The following SGCZ variants were observed in gnomAD, a reference collection of about 807,000 sequenced individuals.
The protein encoded by SGCZ is sarcoglycan zeta, also known as zeta-sarcoglycan.
SGCZ carries 40 observed loss-of-function variants against 41.3 expected under a neutral mutation model. The observed-to-expected ratio is 0.97, with a 90% CI of 0.75 to 1.26. SGCZ has a LOEUF of 1.26. Among genes scored for constraint, SGCZ ranks in the 50% most tolerant of loss-of-function variants. SGCZ has a pLI of 0.00. For missense variants in SGCZ, 552 were observed against 369.8 expected (o/e 1.49, Z -4.04); for synonymous variants, 206 against 137.5 (o/e 1.50, Z -3.49).
chr8:14,244,192 C>CTTCCTTCTTCCTCCTCCTT (rs1798996911), intron 3 of SGCZ, among the ~76,000 whole-genome samples: 2 of 149,832 alleles, frequency 1.3e-5, no homozygotes, highest in East Asian at 4.0e-4. Context: ...TCTTCCTCCT[C>CTTCCTTCTTCCTCCTCCTT]CTCTTCCTTC....
intron 1 of SGCZ, among the ~76,000 whole-genome samples, chr8:14,979,288 C>G (rs1156705718): frequency 6.6e-6 from 1 of 152,168 alleles, no homozygotes. Context: ...CTGTAATACT[C>G]ACAAATTTCA....
At chr8:15,215,974 C>T (rs1801386093) in intron 1 of SGCZ, among the ~76,000 whole-genome samples, 1 of 152,052 alleles carries the variant, frequency 6.6e-6, no homozygotes, top group African/African-American at 2.4e-5. Context: ...TTGTTGGTTG[C>T]CTGACACTTT....
intron 1 of SGCZ, among the ~76,000 whole-genome samples, chr8:14,608,669 G>A (rs1446744534): frequency 1.3e-5 from 2 of 150,754 alleles, no homozygotes; most frequent in African/African-American, 2.4e-5. Flanking sequence ...GGTGGAAGCT[G>A]TTTGGGTCAT....
chr8:14,551,933 T>A (rs1363526673), intron 2 of SGCZ, among the ~76,000 whole-genome samples: 2 of 151,658 alleles, frequency 1.3e-5, no homozygotes, highest in Non-Finnish European at 2.9e-5. Flanking sequence ...CTTGCTATGC[T>A]AAAAATACAA....
chr8:14,657,995 A>C (rs1034739313), intron 1 of SGCZ, among the ~76,000 whole-genome samples: 1 of 152,148 alleles, frequency 6.6e-6, no homozygotes, highest in African/African-American at 2.4e-5. Context: ...AGAATGTATA[A>C]TCTAATTTAA....
At chr8:14,096,670 A>G (rs921862104) in intron 7 of SGCZ, among the ~76,000 whole-genome samples, 3 of 152,104 alleles carry the variant, frequency 2.0e-5, no homozygotes, top group Admixed American at 2.0e-4. Context: ...AATAGTTTCA[A>G]GAGGGATGGT....
intron 1 of SGCZ, among the ~76,000 whole-genome samples, chr8:14,825,931 CT>C (rs1382611423): frequency 6.6e-6 from 1 of 152,014 alleles, no homozygotes; most frequent in Non-Finnish European, 1.5e-5. Flanking sequence ...ACATATCTTT[CT>C]TTTTTTAATT....
At chr8:15,074,287 C>T (rs1039175346) in intron 1 of SGCZ, among the ~76,000 whole-genome samples, 1 of 152,000 alleles carries the variant, frequency 6.6e-6, no homozygotes, top group Non-Finnish European at 1.5e-5. Context: ...ACTGGCTCTC[C>T]GAAAAAAAGT....
At chr8:14,719,926 G>C (rs1809824444) in intron 1 of SGCZ, among the ~76,000 whole-genome samples, 1 of 151,992 alleles carries the variant, frequency 6.6e-6, no homozygotes, top group Non-Finnish European at 1.5e-5. Context: ...TGAAGTCCTT[G>C]TCCATGCCTA....
chr8:14,869,608 G>A (rs187307852), intron 1 of SGCZ, among the ~76,000 whole-genome samples: 112 of 152,288 alleles, frequency 7.4e-4, no homozygotes, highest in African/African-American at 1.9e-3. Flanking sequence ...GCAAGAGAAA[G>A]AAATGAAGTG....
At chr8:14,857,889 G>C (rs1272639373) in intron 1 of SGCZ, among the ~76,000 whole-genome samples, 1 of 151,902 alleles carries the variant, frequency 6.6e-6, no homozygotes, top group Non-Finnish European at 1.5e-5. Context: ...GGAAAGAAAA[G>C]AAAACAAATG....
intron 1 of SGCZ, among the ~76,000 whole-genome samples, chr8:15,199,578 A>G (rs564118350): frequency 2.4e-4 from 37 of 152,298 alleles, no homozygotes; most frequent in Admixed American, 5.2e-4. Context: ...GCGTCCATTT[A>G]CGGTTAGAAA....
At chr8:14,870,332 A>G (rs1243622242) in intron 1 of SGCZ, among the ~76,000 whole-genome samples, 1 of 150,964 alleles carries the variant, frequency 6.6e-6, no homozygotes, top group Non-Finnish European at 1.5e-5. Context: ...CCCTACTACA[A>G]CAATCTGAAT....
At chr8:14,443,020 CCAAA>C (rs1039724914) in intron 2 of SGCZ, among the ~76,000 whole-genome samples, 28 of 151,840 alleles carry the variant, frequency 1.8e-4, no homozygotes, top group Non-Finnish European at 1.5e-4. Context: ...CCAATAACAG[CCAAA>C]CAGAGAGCCA....
Position 15,116,562 on chromosome 8 carries a change from A to G in SGCZ, c.39+121023T>C, listed in dbSNP as rs149427709. Among the ~76,000 whole-genome samples the G allele has an allele frequency of 5.4e-3, 830 of 152,296 alleles. 4 individuals carry two copies. Among genetic ancestry groups the G allele is most frequent in the Middle Eastern group, 0.017 (5 of 294 alleles). ...GTCTTACTTTATTAAACCTCATCCA[A>G]TTATTGCTTCTCAGTGATACTGGCA... On this transcript the variant is annotated intron_variant, in intron 1 of 7. Transcript: ENST00000382080.
rs1355722255 is a variant in SGCZ at position 14,088,532 on chromosome 8, T to C, written c.*1911A>G. Among the ~76,000 whole-genome samples, 1 of 151,898 alleles carries C rather than the reference T, an allele frequency of 6.6e-6. No individual in the cohort carries two copies. On this transcript the variant is annotated 3_prime_UTR_variant, in exon 8 of 8. Coordinates refer to ENST00000382080, the MANE Select transcript of SGCZ (RefSeq NM_139167.4). Reference sequence around the variant, plus strand: ...TTATTTTGCAAAGACCAATGTGAGATTTCTTATATTAAATTCTCTTATTTT... The same window carrying C: ...TTATTTTGCAAAGACCAATGTGAGACTTCTTATATTAAATTCTCTTATTTT...
intron 1 of SGCZ, among the ~76,000 whole-genome samples, chr8:14,567,411 T>A (rs369748493): frequency 2.0e-5 from 3 of 152,136 alleles, no homozygotes; most frequent in African/African-American, 7.2e-5. Context: ...GTGGACACTC[T>A]TTATCTAGCT....
intron 2 of SGCZ, among the ~76,000 whole-genome samples, chr8:14,356,289 C>T (rs867949326): frequency 1.3e-5 from 2 of 152,142 alleles, no homozygotes; most frequent in East Asian, 1.9e-4. Context: ...AAAACCCCGT[C>T]GTAAGTTAAG....
chr8:15,033,209 C>A (rs950677355), intron 1 of SGCZ, among the ~76,000 whole-genome samples: 5 of 151,796 alleles, frequency 3.3e-5, no homozygotes, highest in Admixed American at 2.0e-4. Context: ...CCCTGTGGCC[C>A]TAGGAATCAG....
Sources: allele counts gnomAD v4.1 joint callset (sites outside exome capture counted in the v4.1 genomes callset), GRCh38; gene constraint gnomAD v4.1.1; transcripts MANE v1.5; gene names NCBI Gene and HGNC (gene_info 2026-07-23, HGNC 2026-07-21).